Variants in RNF150 observed in about 807,000 individuals in gnomAD.
RNF150 encodes ring finger protein 150.
RNF150 carries 24 observed loss-of-function variants against 39.3 expected under a neutral mutation model. The observed-to-expected ratio is 0.61, with a 90% CI of 0.44 to 0.86. The LOEUF is 0.86. Ranked by LOEUF, RNF150 falls within the 40% of genes least tolerant of loss-of-function variation. The pLI is 0.00. For missense variants in RNF150, 502 were observed against 587.8 expected, an observed-to-expected ratio of 0.85 and a Z score of 1.51; for synonymous variants, 255 against 227.3, an observed-to-expected ratio of 1.12 and a Z score of -1.10.
intron 1 of RNF150, among the ~76,000 whole-genome samples, chr4:140,969,645 T>G (rs1012592920): frequency 6.6e-6 from 1 of 152,048 alleles, no homozygotes; most frequent in Non-Finnish European, 1.5e-5. Context: ...TTCCCTTATT[T>G]ATATTATTTT....
At chr4:141,206,069 C>T (rs1214703472) in intron 1 of RNF150, among the ~76,000 whole-genome samples, 3 of 152,126 alleles carry the variant, frequency 2.0e-5, no homozygotes, top group African/African-American at 4.8e-5. Flanking sequence ...GCTTTGCTGT[C>T]GTTGCTCTCT....
intron 6 of RNF150, among the ~76,000 whole-genome samples, chr4:140,887,485 A>C (rs1270042479): frequency 6.6e-6 from 1 of 152,236 alleles, no homozygotes; most frequent in Admixed American, 6.5e-5. Context: ...TGTGCTGGTG[A>C]CAAACTATAC....
intron 1 of RNF150, among the ~76,000 whole-genome samples, chr4:141,065,304 G>C (rs368000579): frequency 1.3e-5 from 2 of 152,212 alleles, no homozygotes; most frequent in African/African-American, 4.8e-5. Context: ...ATCTGTGCGT[G>C]AGAGGCAGGG....
chr4:141,078,765 G>A (rs1366263982), intron 1 of RNF150, among the ~76,000 whole-genome samples: 11 of 134,936 alleles, frequency 8.2e-5, no homozygotes, highest in African/African-American at 3.2e-4. Context: ...ACTCCAGCCT[G>A]GGCGACAGAG....
intron 1 of RNF150, among the ~76,000 whole-genome samples, chr4:141,118,890 A>G (rs1726520414): frequency 6.6e-6 from 1 of 152,122 alleles, no homozygotes; most frequent in East Asian, 1.9e-4. Flanking sequence ...CCTCCCGGGT[A>G]GCTGGGACTA....
chr4:141,105,289 C>T (rs1413396406), intron 1 of RNF150, among the ~76,000 whole-genome samples: 1 of 152,114 alleles, frequency 6.6e-6, no homozygotes, highest in Non-Finnish European at 1.5e-5. Context: ...CAGAAAACTT[C>T]CCAAATTAGG....
At chr4:140,947,200 T>A (rs1424694252) in intron 4 of RNF150, among the ~76,000 whole-genome samples, 2 of 152,094 alleles carry the variant, frequency 1.3e-5, no homozygotes, top group Non-Finnish European at 2.9e-5. Flanking sequence ...GGGCATGGGA[T>A]CTGTCCTTGG....
At chr4:140,939,804 A>G (rs1732012047) in intron 4 of RNF150, among the ~76,000 whole-genome samples, 1 of 152,208 alleles carries the variant, frequency 6.6e-6, no homozygotes. Flanking sequence ...AAACAAATAC[A>G]TATGTATCCA....
chr4:141,028,519 T>C (rs1455370507), intron 1 of RNF150, among the ~76,000 whole-genome samples: 1 of 152,210 alleles, frequency 6.6e-6, no homozygotes, highest in Non-Finnish European at 1.5e-5. Context: ...AAATTCCAGC[T>C]TTATGCCTCT....
upstream of RNF150, among the ~76,000 whole-genome samples, chr4:141,137,620 T>C (rs1046704664): frequency 1.3e-5 from 2 of 152,184 alleles, no homozygotes; most frequent in African/African-American, 4.8e-5. Context: ...ACAGGTTCTA[T>C]TCAAGGTGCC....
intron 1 of RNF150, among the ~76,000 whole-genome samples, chr4:141,124,056 T>C (rs1317181853): frequency 6.6e-6 from 1 of 152,240 alleles, no homozygotes; most frequent in Non-Finnish European, 1.5e-5. Flanking sequence ...CTTCAGCTCC[T>C]GCTTTAAGGT....
At chr4:141,152,650 T>A (rs1261880309) in intron 1 of RNF150, among the ~76,000 whole-genome samples, 2 of 152,192 alleles carry the variant, frequency 1.3e-5, no homozygotes, top group African/African-American at 4.8e-5. Context: ...ATCACCATTA[T>A]AAGGGCTCAC....
chr4:141,164,815 T>C (rs1727572370), intron 1 of RNF150, among the ~76,000 whole-genome samples: 1 of 151,228 alleles, frequency 6.6e-6, no homozygotes, highest in African/African-American at 2.4e-5. Context: ...GCACTAAATA[T>C]GAAAAACTGG....
At chr4:141,164,384 G>A (rs991876527) in intron 1 of RNF150, among the ~76,000 whole-genome samples, 2 of 151,852 alleles carry the variant, frequency 1.3e-5, no homozygotes, top group African/African-American at 4.9e-5. Context: ...CACTCATCAG[G>A]ATATTATCCA....
chr4:141,042,867 G>C (rs1289757796), intron 1 of RNF150, among the ~76,000 whole-genome samples: 1 of 151,982 alleles, frequency 6.6e-6, no homozygotes, highest in African/African-American at 2.4e-5. Flanking sequence ...CCTTCAGGGA[G>C]GTTTTAAGGT....
intron 2 of RNF150, among the ~76,000 whole-genome samples, chr4:140,961,262 A>G (rs1347434323): frequency 1.3e-5 from 2 of 152,162 alleles, no homozygotes; most frequent in Non-Finnish European, 2.9e-5. Flanking sequence ...AACTGAATTG[A>G]AATGATCTTC....
intron 5 of RNF150, among the ~76,000 whole-genome samples, chr4:140,911,682 G>A (rs948478120): frequency 8.5e-5 from 13 of 152,086 alleles, no homozygotes; most frequent in Middle Eastern, 3.2e-3. Context: ...TATTTACAAT[G>A]AAGGCACTTC....
chr4:141,191,941 C>A (rs1728116560), intron 1 of RNF150, among the ~76,000 whole-genome samples: 1 of 81,174 alleles, frequency 1.2e-5, no homozygotes, highest in Non-Finnish European at 2.9e-5. Flanking sequence ...TTGGTGCTCA[C>A]TGGCTTTGTA....
intron 1 of RNF150, among the ~76,000 whole-genome samples, chr4:141,210,051 T>TGATAC (rs1553955423): frequency 6.6e-6 from 1 of 152,114 alleles, no homozygotes; most frequent in East Asian, 1.9e-4. Context: ...TAGTCACAGA[T>TGATAC]AATTGTCTAA....
Sources: gnomAD v4.1 joint callset for allele counts (sites outside exome capture counted in the v4.1 genomes callset) on GRCh38, gnomAD v4.1.1 for gene constraint, MANE v1.5 for transcripts, NCBI Gene and HGNC (gene_info 2026-07-23, HGNC 2026-07-21) for gene names.